Variants in LRBA observed in about 807,000 individuals in gnomAD.
LRBA encodes lipopolysaccharide-responsive and beige-like anchor protein.
A neutral mutation model predicts 330.0 loss-of-function variants in LRBA; 176 were observed. The ratio of observed to expected loss-of-function variants is 0.53; its 90% CI spans 0.47 to 0.60. The LOEUF is 0.60. LRBA is among the 20% of genes least tolerant of loss of function. The probability of loss-of-function intolerance (pLI) is 0.00; values close to 1 mark genes in which losing one functional copy is unlikely to be tolerated. For synonymous variants in LRBA, 1,230 were observed against 1,193.0 expected (o/e 1.03, Z -0.64); for missense variants, 3,259 against 3,444.8 (o/e 0.95, Z 1.35).
At chr4:150,276,832 G>A (rs925676420) in intron 56 of LRBA, among the ~76,000 whole-genome samples, 22 of 152,178 alleles carry the variant, frequency 1.4e-4, no homozygotes, top group South Asian at 4.1e-4. Context: ...TGGTGGGAGT[G>A]TAAATTAGTT....
chr4:150,710,499 TA>T (rs1263150081), intron 36 of LRBA, among the ~76,000 whole-genome samples: 1 of 151,328 alleles, frequency 6.6e-6, no homozygotes, highest in Non-Finnish European at 1.5e-5. Flanking sequence ...CTAACAAAAA[TA>T]GGGGGAAGAG....
chr4:150,472,815 T>C (rs1469488250), intron 42 of LRBA, among the ~76,000 whole-genome samples: 1 of 152,168 alleles, frequency 6.6e-6, no homozygotes, highest in South Asian at 2.1e-4. Flanking sequence ...TGGTAGCATG[T>C]ATCCACAGTT....
intron 14 of LRBA, among the ~76,000 whole-genome samples, chr4:150,899,318 C>T (rs970055222): frequency 1.3e-5 from 2 of 152,082 alleles, no homozygotes; most frequent in South Asian, 4.2e-4. Flanking sequence ...ACAAAGGAAG[C>T]GAATATGTGA....
chr4:150,970,556 T>TGTGTGTGTGTAC (rs1166996824), intron 2 of LRBA: 4 of 41,686 alleles, frequency 9.6e-5, no homozygotes, highest in African/African-American at 2.6e-4. Context: ...TGTGTGTGTG[T>TGTGTGTGTGTAC]ACACACACAC....
chr4:150,960,621 C>T (rs909760154), intron 2 of LRBA, among the ~76,000 whole-genome samples: 1 of 148,864 alleles, frequency 6.7e-6, no homozygotes, highest in Non-Finnish European at 1.5e-5. Flanking sequence ...GGGAGAGAGG[C>T]AGTTGTAATT....
intron 40 of LRBA, among the ~76,000 whole-genome samples, chr4:150,496,671 A>C (rs773695457): frequency 5.9e-5 from 9 of 152,150 alleles, no homozygotes; most frequent in Admixed American, 2.6e-4. Flanking sequence ...AAACTAGCAT[A>C]GCATATCCCT....
At chr4:150,395,107 T>C (rs1744547557) in intron 47 of LRBA, among the ~76,000 whole-genome samples, 1 of 152,086 alleles carries the variant, frequency 6.6e-6, no homozygotes, top group African/African-American at 2.4e-5. Context: ...TCTAATTACT[T>C]CAATCAATTA....
rs901957062 is a variant in LRBA at position 150,746,286 on chromosome 4, G to C, written c.5646-10920C>G. On this transcript the variant is annotated intron_variant, in intron 35 of 56. Coordinates refer to ENST00000651943, the MANE Select transcript of LRBA (RefSeq NM_001364905.1). Reference sequence around the variant, plus strand: ...CATTATGTAATCAGAACAGCTTCAAGTGACTCATGTGGATGGAATGTACCG... The same window carrying C: ...CATTATGTAATCAGAACAGCTTCAACTGACTCATGTGGATGGAATGTACCG... Among the ~76,000 whole-genome samples, 2 of 152,106 alleles carry C rather than the reference G, an allele frequency of 1.3e-5. 1 individual carries two copies. Among genetic ancestry groups the C allele is most frequent in the Non-Finnish European group, 2.9e-5 (2 of 68,018 alleles).
chr4:150,346,757 C>CCAAAAAAA lies in LRBA; in HGVS notation c.7362+3234_7362+3235insTTTTTTTG, dbSNP rs1206950764. ...CTGGCAACAATGTGAGACTCTGTCT[C>CCAAAAAAA]AAAAAAAAAAAAAAAAAAAAAAAAA... On this transcript the variant is annotated intron_variant, in intron 48 of 56. Coordinates refer to ENST00000651943, the MANE Select transcript of LRBA (RefSeq NM_001364905.1). 3.0e-5 allele frequency among the ~76,000 whole-genome samples: 2 copies of CCAAAAAAA among 66,136 alleles called. 1 individual carries two copies. Among genetic ancestry groups the CCAAAAAAA allele is most frequent in the African/African-American group, 1.6e-4 (2 of 12,878 alleles). 43.4% of individuals were successfully genotyped at this position (66,136 alleles called of 152,430 possible).
At chr4:150,869,059 T>G (rs997857506) in intron 20 of LRBA, among the ~76,000 whole-genome samples, 2 of 152,184 alleles carry the variant, frequency 1.3e-5, no homozygotes, top group Non-Finnish European at 2.9e-5. Context: ...TAGCTGGGAT[T>G]ATAGGCACCT....
chr4:150,390,973 T>C (rs538394202), intron 47 of LRBA, among the ~76,000 whole-genome samples: 3 of 152,314 alleles, frequency 2.0e-5, no homozygotes, highest in African/African-American at 4.8e-5. Flanking sequence ...CTTTTAGCAA[T>C]AGACCCATCC....
At chr4:150,857,907 A>T (rs1359927391) in intron 22 of LRBA, among the ~76,000 whole-genome samples, 1 of 152,204 alleles carries the variant, frequency 6.6e-6, no homozygotes, top group Non-Finnish European at 1.5e-5. Flanking sequence ...AGGCATTAAA[A>T]TTCATGTAAG....
Position 150,779,648 on chromosome 4 carries a change from TAA to T in LRBA, c.5581-17803_5581-17802del, listed in dbSNP as rs570441177. On this transcript the variant is annotated intron_variant, in intron 34 of 56. Transcript: ENST00000651943. The stretch of plus-strand genomic sequence containing the variant: ...AACTCGAGAGAAAATCATTATTTAT[TAA>T]GTTTTGCAATAAAACAATCCTACTA... Among the ~76,000 whole-genome samples the T allele has an allele frequency of 2.8e-4, 43 of 152,280 alleles. No homozygotes were observed. The East Asian group carries it at 7.7e-3, about 27-fold the overall frequency.
chr4:150,435,734 CAT>C, intron 45 of LRBA, 26 bp from the exon 46 acceptor site: 1 of 1,582,398 alleles, frequency 6.3e-7, no homozygotes, highest in Non-Finnish European at 8.6e-7. Context: ...TAAAAAAATC[CAT>C]ATGTTCCCTC....
At chr4:150,921,744 G>A (rs907412501) in intron 4 of LRBA, among the ~76,000 whole-genome samples, 2 of 151,620 alleles carry the variant, frequency 1.3e-5, no homozygotes, top group Non-Finnish European at 2.9e-5. Context: ...TTTTTCTTTC[G>A]AGATGGAGTC....
intron 4 of LRBA, among the ~76,000 whole-genome samples, chr4:150,921,915 G>A (rs755569347): frequency 1.3e-5 from 2 of 152,128 alleles, no homozygotes; most frequent in Admixed American, 6.5e-5. Flanking sequence ...TAGTAGAGAC[G>A]GGGTTTCTCC....
chr4:150,321,275 T>C lies in LRBA; in HGVS notation c.7546A>G (p.Thr2516Ala). ...GCGGGAGTTGCCAAACCAGGCTGGG[T>C]GTTGGCTGCCACGTGAGTAACAGGG... ...NSPVTHVAANTQPGLATPAVI... is the reference protein window; with the variant it reads ...NSPVTHVAANAQPGLATPAVI... Residue 2516 changes from threonine (T) to alanine (A), a missense_variant, in exon 50 of 57, where the codon ACC becomes GCC. Physicochemically the swap from Thr to Ala is moderately conservative, Grantham distance 58. Coordinates refer to ENST00000651943, the MANE Select transcript of LRBA (RefSeq NM_001364905.1). This position sits in a 1 kb window ranked among gnomAD's most constrained non-coding sequence, Gnocchi z 4.5. 1.2e-6 allele frequency: 2 copies of C among 1,612,534 alleles called. No homozygotes were observed. The highest frequency in any genetic ancestry group is 1.7e-6 in the Non-Finnish European group (2 of 1,179,476).
chr4:150,509,874 C>T (rs181334206), intron 40 of LRBA, among the ~76,000 whole-genome samples: 79 of 152,280 alleles, frequency 5.2e-4, no homozygotes, highest in Middle Eastern at 3.4e-3. Context: ...CTGTGGCTCA[C>T]GCCTGTAATC....
intron 39 of LRBA, among the ~76,000 whole-genome samples, chr4:150,589,518 C>T (rs982978418): frequency 3.3e-5 from 5 of 152,106 alleles, no homozygotes; most frequent in African/African-American, 7.2e-5. Context: ...CTCCTTTTGC[C>T]CTCTGTACAT....
Sources: allele counts gnomAD v4.1 joint callset (sites outside exome capture counted in the v4.1 genomes callset), GRCh38; gene constraint gnomAD v4.1.1; non-coding constraint Gnocchi (gnomAD v3.1); transcripts MANE v1.5; gene names NCBI Gene and HGNC (gene_info 2026-07-23, HGNC 2026-07-21).